Variants in SSBP2 observed in about 807,000 individuals in gnomAD.
The protein encoded by SSBP2 is single-stranded DNA-binding protein 2.
In SSBP2, 17 loss-of-function variants were observed where a neutral mutation model predicts 61.8. The ratio of observed to expected loss-of-function variants is 0.28; its 90% CI spans 0.19 to 0.41. The LOEUF (loss-of-function observed/expected upper bound fraction) is 0.41. SSBP2 is among the 10% of genes least tolerant of loss of function. The probability of loss-of-function intolerance (pLI) is 1.00; values close to 1 mark genes in which losing one functional copy is unlikely to be tolerated. For missense variants in SSBP2, 310 were observed against 458.7 expected (o/e 0.68, Z 2.96); for synonymous variants, 139 against 141.3 (o/e 0.98, Z 0.12).
intron 4 of SSBP2, among the ~76,000 whole-genome samples, chr5:81,587,358 AG>A (rs1231045803): frequency 6.6e-6 from 1 of 152,226 alleles, no homozygotes; most frequent in Non-Finnish European, 1.5e-5. Flanking sequence ...CAAACAAAAA[AG>A]AAAGATTTTA....
In SSBP2 at chr5:81,440,549, A is replaced by G. The variant is rs1762965893; in HGVS notation, c.928+9T>C. 2 of 1,609,830 alleles carry G rather than the reference A, an allele frequency of 1.2e-6. No homozygotes were observed. Among genetic ancestry groups the G allele is most frequent in the South Asian group, 2.2e-5 (2 of 90,752 alleles). ...AATTTATTCTAAACATCAAATTGAA[A>G]AGCCTTACCTAAAGAGCCATTCATG... On this transcript the variant is annotated intron_variant, in intron 14 of 16. Transcript: ENST00000320672.
At chr5:81,679,417 T>C (rs1472152334) in intron 1 of SSBP2, among the ~76,000 whole-genome samples, 1 of 152,176 alleles carries the variant, frequency 6.6e-6, no homozygotes, top group East Asian at 1.9e-4. Context: ...GTAAGTAAAA[T>C]GAATGACAGC....
chr5:81,659,635 G>A (rs1554107093), intron 1 of SSBP2, among the ~76,000 whole-genome samples: 1 of 152,006 alleles, frequency 6.6e-6, no homozygotes, highest in Non-Finnish European at 1.5e-5. Flanking sequence ...AGCTACCATT[G>A]ACTTTCTTCA....
intron 4 of SSBP2, among the ~76,000 whole-genome samples, chr5:81,612,743 G>A (rs1043573100): frequency 1.3e-5 from 2 of 151,954 alleles, no homozygotes; most frequent in African/African-American, 2.4e-5. Context: ...ATGCTTTCTT[G>A]AGTACTTTAT....
intron 10 of SSBP2, among the ~76,000 whole-genome samples, chr5:81,456,740 C>T (rs1015968100): frequency 7.2e-5 from 11 of 152,054 alleles, no homozygotes; most frequent in African/African-American, 2.4e-4. Flanking sequence ...TATGAGTTTG[C>T]CCTTAAAAAT....
chr5:81,616,421 C>G (rs1311595171), intron 3 of SSBP2: 9 of 149,844 alleles, frequency 6.0e-5, no homozygotes, highest in African/African-American at 1.0e-4. Context: ...CACCACGAGA[C>G]TATATCCCAC....
chr5:81,559,907 G>A (rs867708563), intron 4 of SSBP2, among the ~76,000 whole-genome samples: 2 of 151,988 alleles, frequency 1.3e-5, no homozygotes, highest in African/African-American at 4.8e-5. Flanking sequence ...TTGTCCATAA[G>A]TAATCTAAAA....
chr5:81,531,803 C>G (rs1173721209), intron 4 of SSBP2, among the ~76,000 whole-genome samples: 1 of 151,752 alleles, frequency 6.6e-6, no homozygotes, highest in Non-Finnish European at 1.5e-5. Flanking sequence ...ATCAGGGTCC[C>G]TAAGAAACAT....
At chr5:81,671,292 C>T (rs1751559086) in intron 1 of SSBP2, among the ~76,000 whole-genome samples, 1 of 151,752 alleles carries the variant, frequency 6.6e-6, no homozygotes, top group African/African-American at 2.4e-5. Flanking sequence ...TATTTTTTTC[C>T]TCTGGGCATT....
chr5:81,652,787 G>A (rs1011088880), intron 1 of SSBP2, among the ~76,000 whole-genome samples: 7 of 151,820 alleles, frequency 4.6e-5, no homozygotes, highest in African/African-American at 1.7e-4. Flanking sequence ...TTGGGAACGA[G>A]CTGTGTTTGA....
chr5:81,448,961 T>C (rs1763587772), intron 10 of SSBP2, 136 bp from the exon 11 acceptor site: 1 of 673,658 alleles, frequency 1.5e-6, no homozygotes, highest in African/African-American at 1.8e-5. Flanking sequence ...AAAAAATTTG[T>C]ATCTGTTTAA....
chr5:81,450,030 G>A (rs564130876), intron 10 of SSBP2, among the ~76,000 whole-genome samples: 2 of 151,962 alleles, frequency 1.3e-5, no homozygotes, highest in South Asian at 2.1e-4. Flanking sequence ...TCCATCCTCC[G>A]CTTCTCATTT....
intron 1 of SSBP2, among the ~76,000 whole-genome samples, chr5:81,703,857 T>C (rs1004460281): frequency 6.6e-5 from 10 of 152,252 alleles, no homozygotes; most frequent in African/African-American, 2.2e-4. Context: ...TTGTACCCAC[T>C]AACAAATTCT....
intron 1 of SSBP2, among the ~76,000 whole-genome samples, chr5:81,713,643 A>C (rs2153945846): frequency 6.6e-6 from 1 of 152,306 alleles, no homozygotes; most frequent in Non-Finnish European, 1.5e-5. Context: ...TAAGTCTACA[A>C]GCCTCATCCA....
chr5:81,458,657 C>T (rs536699442), intron 10 of SSBP2, among the ~76,000 whole-genome samples: 8 of 152,074 alleles, frequency 5.3e-5, no homozygotes, highest in Non-Finnish European at 1.2e-4. Context: ...TGTATTGGTA[C>T]GAACTGAAAA....
At chr5:81,744,837 C>T (rs1284918946) in intron 1 of SSBP2, among the ~76,000 whole-genome samples, 1 of 151,938 alleles carries the variant, frequency 6.6e-6, no homozygotes, top group African/African-American at 2.4e-5. Context: ...ATGTAATTAA[C>T]ATTCTTAAAG....
intron 1 of SSBP2, among the ~76,000 whole-genome samples, chr5:81,731,461 TAAGAG>T (rs1756259753): frequency 6.6e-6 from 1 of 152,166 alleles, no homozygotes; most frequent in Admixed American, 6.5e-5. Flanking sequence ...TTATGCCAAG[TAAGAG>T]AAAAGATTTC....
chr5:81,584,403 C>G (rs1454578556), intron 4 of SSBP2, among the ~76,000 whole-genome samples: 1 of 152,156 alleles, frequency 6.6e-6, no homozygotes, highest in Non-Finnish European at 1.5e-5. Flanking sequence ...TAATTTTTAA[C>G]TCTTATCAGT....
chr5:81,571,621 T>C (rs1773849400), intron 4 of SSBP2, among the ~76,000 whole-genome samples: 1 of 152,206 alleles, frequency 6.6e-6, no homozygotes, highest in South Asian at 2.1e-4. Flanking sequence ...ATTTTATTTA[T>C]GTAACTGGCT....
Sources: gnomAD v4.1 joint callset for allele counts (sites outside exome capture counted in the v4.1 genomes callset) on GRCh38, gnomAD v4.1.1 for gene constraint, MANE v1.5 for transcripts, NCBI Gene and HGNC (gene_info 2026-07-23, HGNC 2026-07-21) for gene names.